The following TOMM40L variants were observed in gnomAD, a reference collection of about 807,000 sequenced individuals.
TOMM40L encodes the protein mitochondrial import receptor subunit TOM40B.
A neutral mutation model predicts 38.3 loss-of-function variants in TOMM40L; 17 were observed. The observed-to-expected ratio is 0.44, with a 90% CI of 0.30 to 0.67. The LOEUF is 0.67. Ranked by LOEUF, TOMM40L falls within the 30% of genes least tolerant of loss-of-function variation. The pLI, the probability that TOMM40L is intolerant of heterozygous loss-of-function variation, is 0.08. For missense variants in TOMM40L, 294 were observed against 390.0 expected (o/e 0.75, Z 2.07); for synonymous variants, 151 against 150.2 (o/e 1.01, Z -0.04).
intron 9 of TOMM40L, 54 bp downstream of exon 9, chr1:161,228,871 A>C (rs142549784): frequency 6.2e-7 from 1 of 1,613,374 alleles, no homozygotes; most frequent in African/African-American, 1.3e-5. Context: ...GATGCAGAGG[A>C]GGGAGGGAAG....
chr1:161,227,198 G>A, intron 3 of TOMM40L, 60 bp from the exon 4 acceptor site: 3 of 1,507,088 alleles, frequency 2.0e-6, no homozygotes, highest in Non-Finnish European at 2.8e-6. Context: ...CTAAGGGTGG[G>A]ATGAGGGATT....
In TOMM40L at chr1:161,230,368, C is replaced by G; in HGVS notation, c.*1273C>G. The G allele has an allele frequency of 3.1e-6, 1 of 324,690 alleles. No individual in the cohort carries two copies. The allele number at this position is 324,690 out of a possible 1,614,324, so 20.1% of individuals were successfully genotyped here. ...CCTGGATAAATCACAGACTATTGAA[C>G]CTGGAACTGGCTTTGACCATGAAAC... On this transcript the variant is annotated 3_prime_UTR_variant, in exon 10 of 10. Coordinates refer to ENST00000367988, the MANE Select transcript of TOMM40L (RefSeq NM_032174.6).
rs1455168180 is a variant in TOMM40L at position 161,226,064 on chromosome 1, C to CTCAAGATGGCTGCCCCCA, written c.-199_-182dup. 1.3e-5 allele frequency: 2 copies of CTCAAGATGGCTGCCCCCA among 157,208 alleles called. No homozygotes were observed. Among genetic ancestry groups the CTCAAGATGGCTGCCCCCA allele is most frequent in the Non-Finnish European group, 2.8e-5 (2 of 71,024 alleles). The allele number at this position is 157,208 out of a possible 1,614,324, so 9.7% of individuals were successfully genotyped here. A position where few individuals can be genotyped will look rare whatever the true frequency, so the allele number is the denominator to read the frequency against. On this transcript the variant is annotated 5_prime_UTR_variant, in exon 1 of 10. The change creates a new upstream start codon in the 5' untranslated region. Transcript: ENST00000367988. Reference sequence around the variant, plus strand: ...GCGTGAAGCTGCAGTTCTGCCATCACTCAAGATGGCTGCCCCCATCAAGAT... The same window carrying CTCAAGATGGCTGCCCCCA: ...GCGTGAAGCTGCAGTTCTGCCATCACTCAAGATGGCTGCCCCCATCAAGATGGCTGCCCCCATCAAGAT...
chr1:161,229,102 C>T lies in TOMM40L; in HGVS notation c.*7C>T. The stretch of plus-strand genomic sequence containing the variant: ...CAGCATCACTGTGGGCTGAGGTTGT[C>T]CAGAGCCAGCCCCCACAGCAGCTGG... On this transcript the variant is annotated 3_prime_UTR_variant, in exon 10 of 10. Transcript: ENST00000367988. 1 of 1,614,150 alleles carries T rather than the reference C, an allele frequency of 6.2e-7. No homozygotes were observed. Among genetic ancestry groups the T allele is most frequent in the South Asian group, 1.1e-5 (1 of 91,088 alleles).
chr1:161,229,456 C>T lies in TOMM40L; in HGVS notation c.*361C>T, dbSNP rs1297834494. 1 of 665,678 alleles carries T rather than the reference C, an allele frequency of 1.5e-6. No individual in the cohort carries two copies. Among genetic ancestry groups the T allele is most frequent in the East Asian group, 2.8e-5 (1 of 36,312 alleles). The allele number at this position is 665,678 out of a possible 1,614,324, so 41.2% of individuals were successfully genotyped here. On this transcript the variant is annotated 3_prime_UTR_variant, in exon 10 of 10. Transcript: ENST00000367988. The stretch of plus-strand genomic sequence containing the variant: ...TCCTGCATGGGATTAGCTGACCATC[C>T]TGTTTTCCATCCCAGAGCCTCCCAA...
chr1:161,228,840 T>C, intron 9 of TOMM40L, 23 bp downstream of exon 9: 1 of 1,614,120 alleles, frequency 6.2e-7, no homozygotes, highest in Non-Finnish European at 8.5e-7. Flanking sequence ...GGGAGACATT[T>C]GGCTATCCTG....
At position 161,229,451 on chromosome 1, in the gene TOMM40L, C is replaced by G. The variant is rs576011486; in HGVS notation, c.*356C>G. 8 of 655,436 alleles carry G rather than the reference C, an allele frequency of 1.2e-5. No individual in the cohort carries two copies. The highest frequency in any genetic ancestry group is 2.1e-5 in the Non-Finnish European group (8 of 388,006). 40.6% of individuals were successfully genotyped at this position (655,436 alleles called of 1,614,324 possible). A position where few individuals can be genotyped will look rare whatever the true frequency, so the allele number is the denominator to read the frequency against. ...GTTAATCCTGCATGGGATTAGCTGA[C>G]CATCCTGTTTTCCATCCCAGAGCCT... is the stretch of plus-strand genomic sequence containing the variant. On this transcript the variant is annotated 3_prime_UTR_variant, in exon 10 of 10. Transcript: ENST00000367988.
At position 161,230,181 on chromosome 1, in the gene TOMM40L, G is replaced by GCT; in HGVS notation, c.*1088_*1089dup. The stretch of plus-strand genomic sequence containing the variant: ...GCTCTGAGAGCCGAGTGTGAAGAAA[G>GCT]CTCCAGACTTGGCCAGAACTCCAAC... On this transcript the variant is annotated 3_prime_UTR_variant, in exon 10 of 10. Coordinates refer to ENST00000367988, the MANE Select transcript of TOMM40L (RefSeq NM_032174.6). The GCT allele has an allele frequency of 2.1e-6, 1 of 480,002 alleles. No individual in the cohort carries two copies. The highest frequency in any genetic ancestry group is 2.0e-5 in the African/African-American group (1 of 51,210). 29.7% of individuals were successfully genotyped at this position (480,002 alleles called of 1,614,324 possible).
rs778558313 is a variant in TOMM40L at position 161,226,949 on chromosome 1, T to C, written c.177T>C (p.His59=). ...TTGTCAACAAGGTTCTGAGCAGCCA[T>C]TTCCAGGTGCTCCCACTTCTCTGGC... ...KLVVNKVLSS[H]FQVAHTIHMS... is the part of the protein sequence containing the mutation. The change falls in exon 3 of 10, where the codon CAT becomes CAC. Residue 59 remains histidine (H), a synonymous_variant. Transcript: ENST00000367988. 2 of 1,614,114 alleles carry C rather than the reference T, an allele frequency of 1.2e-6. No individual in the cohort carries two copies. The highest frequency in any genetic ancestry group is 1.7e-6 in the Non-Finnish European group (2 of 1,180,006).
rs763188623 is a variant in TOMM40L at position 161,228,929 on chromosome 1, T to C, written c.788-27T>C. The C allele has an allele frequency of 9.9e-6, 16 of 1,614,130 alleles. No homozygotes were observed. The Middle Eastern group carries it at 6.6e-4, about 67-fold the overall frequency. ...ATTTCCTCCAATCCCTGTTAAATAA[T>C]CTAGTGGGTATTCTCTCCCCCAACA... On this transcript the variant is annotated intron_variant, in intron 9 of 9. Coordinates refer to ENST00000367988, the MANE Select transcript of TOMM40L (RefSeq NM_032174.6).
At chr1:161,227,014 T>C in intron 3 of TOMM40L, 59 bp downstream of exon 3, 6 of 1,599,616 alleles carry the variant, frequency 3.8e-6, no homozygotes, top group Non-Finnish European at 5.1e-6. Context: ...CTGGATCATC[T>C]TCTCCTTTCC....
chr1:161,227,567 TCTA>T (rs1666427949), intron 4 of TOMM40L, 66 bp from the exon 5 acceptor site: 13 of 1,361,326 alleles, frequency 9.5e-6, no homozygotes, highest in Non-Finnish European at 1.3e-5. Context: ...TTAATGAAGT[TCTA>T]TATTTGGGTT....
At position 161,229,391 on chromosome 1, in the gene TOMM40L, C is replaced by A; in HGVS notation, c.*296C>A. On this transcript the variant is annotated 3_prime_UTR_variant, in exon 10 of 10. Transcript: ENST00000367988. ...GGTATGGCTGAATTCCCCCGGCACC[C>A]CTTGCCCTCAGGCTTCCTTCTTCCT... 1.6e-6 allele frequency: 1 copy of A among 612,650 alleles called. No homozygotes were observed. Among genetic ancestry groups the A allele is most frequent in the Non-Finnish European group, 2.8e-6 (1 of 352,636 alleles). 38.0% of individuals were successfully genotyped at this position (612,650 alleles called of 1,614,324 possible).
Position 161,226,794 on chromosome 1 carries a change from A to G in TOMM40L, c.116-94A>G. On this transcript the variant is annotated intron_variant, in intron 2 of 9. Coordinates refer to ENST00000367988, the MANE Select transcript of TOMM40L (RefSeq NM_032174.6). Reference sequence around the variant, plus strand: ...GACTTGAAAGGAGGTTAATTCCTCCAAAGTGTTCCCTATGGGATTGAAAGG... The same window carrying G: ...GACTTGAAAGGAGGTTAATTCCTCCGAAGTGTTCCCTATGGGATTGAAAGG... 4.8e-6 allele frequency: 7 copies of G among 1,460,186 alleles called. No individual in the cohort carries two copies. The South Asian group carries it at 7.3e-5, about 15-fold the overall frequency. 90.5% of individuals were successfully genotyped at this position (1,460,186 alleles called of 1,614,324 possible). A position where few individuals can be genotyped will look rare whatever the true frequency, so the allele number is the denominator to read the frequency against.
In TOMM40L at chr1:161,226,868, C is replaced by T; in HGVS notation, c.116-20C>T. The T allele has an allele frequency of 6.2e-7, 1 of 1,613,424 alleles. No homozygotes were observed. The highest frequency in any genetic ancestry group is 1.3e-5 in the African/African-American group (1 of 75,016). ...GTTCTTTGTCTGTGCTTATTCCTTC[C>T]CTTCCCCTACCCCCTTCAGATGTAT... is the stretch of plus-strand genomic sequence containing the variant. On this transcript the variant is annotated intron_variant, in intron 2 of 9. Transcript: ENST00000367988.
In TOMM40L at chr1:161,227,007, G is replaced by A. The variant is rs755909626; in HGVS notation, c.183+52G>A. 18 of 1,603,220 alleles carry A rather than the reference G, an allele frequency of 1.1e-5. No homozygotes were observed. The South Asian group carries it at 2.0e-4, about 18-fold the overall frequency. Reference sequence around the variant, plus strand: ...TACTATTCCCCCTTTCCTGTCCCTGGATCATCTTCTCCTTTCCTTTGTACT... The same window carrying A: ...TACTATTCCCCCTTTCCTGTCCCTGAATCATCTTCTCCTTTCCTTTGTACT... On this transcript the variant is annotated intron_variant, in intron 3 of 9. Transcript: ENST00000367988.
rs1404963654 is a variant in TOMM40L at position 161,226,462 on chromosome 1, T to G, written c.-28T>G. 1 of 1,600,290 alleles carries G rather than the reference T, an allele frequency of 6.2e-7. No homozygotes were observed. Among genetic ancestry groups the G allele is most frequent in the South Asian group, 1.1e-5 (1 of 90,450 alleles). ...AATAGCGTCCTTTCACAGGCTAACC[T>G]CGGCTCTTCCCAGTCCTCTGGACTA... On this transcript the variant is annotated 5_prime_UTR_variant, in exon 2 of 10. Coordinates refer to ENST00000367988, the MANE Select transcript of TOMM40L (RefSeq NM_032174.6).
In TOMM40L at chr1:161,230,697, C is replaced by A. The variant is rs4073054; in HGVS notation, c.*1602C>A. ...GGCCAGGGGGAAGGACTAGACCCCA[C>A]GATACCTGAATTCCCTAAGGAAAGG... On this transcript the variant is annotated 3_prime_UTR_variant, in exon 10 of 10. Transcript: ENST00000367988. The A allele has an allele frequency of 0.65, 928,837 of 1,420,154 alleles. 307,756 individuals carry two copies. The highest frequency in any genetic ancestry group is 0.93 in the East Asian group (40,446 of 43,630). The allele number at this position is 1,420,154 out of a possible 1,614,324, so 88.0% of individuals were successfully genotyped here. A position where few individuals can be genotyped will look rare whatever the true frequency, so the allele number is the denominator to read the frequency against.
Position 161,229,098 on chromosome 1 carries a change from T to C in TOMM40L, c.*3T>C. The C allele has an allele frequency of 6.2e-7, 1 of 1,614,096 alleles. No homozygotes were observed. The highest frequency in any genetic ancestry group is 8.5e-7 in the Non-Finnish European group (1 of 1,179,996). ...GCTTCAGCATCACTGTGGGCTGAGG[T>C]TGTCCAGAGCCAGCCCCCACAGCAG... is the stretch of plus-strand genomic sequence containing the variant. On this transcript the variant is annotated 3_prime_UTR_variant, in exon 10 of 10. Transcript: ENST00000367988.
Sources: gnomAD v4.1 joint callset for allele counts on GRCh38, gnomAD v4.1.1 for gene constraint, MANE v1.5 for transcripts, NCBI Gene and HGNC (gene_info 2026-07-23, HGNC 2026-07-21) for gene names.